FRMD6: variants seen among roughly 807,000 people sequenced by gnomAD.
FRMD6 encodes FERM domain-containing protein 6.
A neutral mutation model predicts 73.2 loss-of-function variants in FRMD6; 37 were observed. The ratio of observed to expected loss-of-function variants is 0.51; its 90% CI spans 0.39 to 0.66. The LOEUF (loss-of-function observed/expected upper bound fraction) is 0.66, where lower values mean the gene tolerates loss of function less well. Among genes scored for constraint, FRMD6 ranks in the 30% least tolerant of loss-of-function variants. The pLI, the probability that FRMD6 is intolerant of heterozygous loss-of-function variation, is 0.00. For synonymous variants in FRMD6, 273 were observed against 282.2 expected, an observed-to-expected ratio of 0.97 and a Z score of 0.33; for missense variants, 714 against 780.5, an observed-to-expected ratio of 0.91 and a Z score of 1.02.
At chr14:51,678,817 A>G (rs570064376) in intron 1 of FRMD6, among the ~76,000 whole-genome samples, 1 of 25,786 alleles carries the variant, frequency 3.9e-5, no homozygotes, top group South Asian at 9.9e-4. Context: ...ATATTTTGTG[A>G]TTTCATTATG....
In FRMD6 at chr14:51,720,106, T is replaced by A. The variant is rs1285545487; in HGVS notation, c.1076T>A (p.Met359Lys). 6.2e-6 allele frequency: 10 copies of A among 1,613,726 alleles called. No homozygotes were observed. The highest frequency in any genetic ancestry group is 2.5e-6 in the Non-Finnish European group (3 of 1,179,996). ...SYISDNLDLD[M>K]DQLEKRSRAS... ...ATCAGTGACAACCTGGACCTCGACATGGACCAGCTGGAAAAACGGTCGCGG... is the reference window on the plus strand; with the variant it reads ...ATCAGTGACAACCTGGACCTCGACAAGGACCAGCTGGAAAAACGGTCGCGG... Residue 359 changes from methionine (M) to lysine (K), a missense_variant, in exon 11 of 14, where the codon ATG becomes AAG. Met to Lys is a moderately conservative substitution (Grantham distance 95, BLOSUM62 -1). Transcript: ENST00000344768.
At chr14:51,596,496 C>G (rs944231779) in intron 2 of FRMD6, among the ~76,000 whole-genome samples, 1 of 152,136 alleles carries the variant, frequency 6.6e-6, no homozygotes. Context: ...CTGATTGTTT[C>G]TCTGATACTT....
chr14:51,500,951 G>T (rs1457365386), intron 1 of FRMD6, among the ~76,000 whole-genome samples: 1 of 152,096 alleles, frequency 6.6e-6, no homozygotes, highest in African/African-American at 2.4e-5. Flanking sequence ...GATACTGCAG[G>T]GATTTTGCCA....
chr14:51,649,680 A>G (rs1892245370), upstream of FRMD6: 1 of 152,252 alleles, frequency 6.6e-6, no homozygotes, highest in African/African-American at 2.4e-5. Flanking sequence ...AAAAAGTGCA[A>G]TCCTCTACCT....
intron 2 of FRMD6, among the ~76,000 whole-genome samples, chr14:51,697,057 T>C (rs941475176): frequency 6.6e-6 from 1 of 152,180 alleles, no homozygotes; most frequent in African/African-American, 2.4e-5. Context: ...CCTTGTACAC[T>C]GTTGCTGGGA....
chr14:51,564,028 G>A (rs1045463979), intron 1 of FRMD6, among the ~76,000 whole-genome samples: 1 of 152,048 alleles, frequency 6.6e-6, no homozygotes, highest in Non-Finnish European at 1.5e-5. Context: ...TTCTTTCTGG[G>A]TATGCAGCTA....
chr14:51,633,621 A>AAGAG (rs143710280), intron 2 of FRMD6, among the ~76,000 whole-genome samples: 1 of 99,368 alleles, frequency 1.0e-5, no homozygotes, highest in African/African-American at 4.0e-5. Flanking sequence ...AAAAAAAAAA[A>AAGAG]GAAATAATTA....
intron 2 of FRMD6, among the ~76,000 whole-genome samples, chr14:51,582,112 T>C (rs1888759735): frequency 6.6e-6 from 1 of 152,244 alleles, no homozygotes; most frequent in Non-Finnish European, 1.5e-5. Context: ...GACTACGTCA[T>C]ACATACTGAC....
At chr14:51,548,141 C>T (rs546542183) in intron 1 of FRMD6, among the ~76,000 whole-genome samples, 12 of 152,166 alleles carry the variant, frequency 7.9e-5, no homozygotes, top group South Asian at 4.1e-4. Flanking sequence ...AAGGGATCTG[C>T]GTTATTTGTG....
the FRMD6 span, among the ~76,000 whole-genome samples, chr14:51,403,590 C>G: frequency 6.6e-6 from 1 of 151,932 alleles, no homozygotes; most frequent in African/African-American, 2.4e-5. Flanking sequence ...TTTGTAGAGA[C>G]GAGATCTTGC....
intron 1 of FRMD6, among the ~76,000 whole-genome samples, chr14:51,687,555 G>C (rs1036282468): frequency 1.3e-5 from 2 of 151,944 alleles, no homozygotes; most frequent in East Asian, 3.9e-4. Context: ...ATATGCCTTG[G>C]GGGAAAAAAG....
rs577855460 is a variant in FRMD6 at position 51,727,815 on chromosome 14, A to G, written c.1655A>G (p.Gln552Arg). The part of the protein sequence containing the change: ...SLSLDDIRLY[Q>R]KDFLRIAGLC... ...AGCCTCGATGACATCAGACTTTACC[A>G]GAAAGACTTCCTGCGCATTGCAGGT... is the stretch of plus-strand genomic sequence containing the variant. Residue 552 changes from glutamine to arginine, a missense_variant, in exon 14 of 14, where the codon CAG becomes CGG. By Grantham distance (43) the Gln-to-Arg change is conservative (BLOSUM62 1). Transcript: ENST00000344768. The G allele has an allele frequency of 5.0e-5, 81 of 1,614,096 alleles. No homozygotes were observed. In the South Asian group the frequency reaches 8.5e-4, roughly 17 times the overall value.
At chr14:51,542,825 T>A (rs1340974057) in intron 1 of FRMD6, among the ~76,000 whole-genome samples, 1 of 152,052 alleles carries the variant, frequency 6.6e-6, no homozygotes, top group Non-Finnish European at 1.5e-5. Flanking sequence ...GAGTGTGAAG[T>A]CGTATATGAC....
chr14:51,456,363 C>T, the FRMD6 span, among the ~76,000 whole-genome samples: 2 of 152,068 alleles, frequency 1.3e-5, no homozygotes, highest in Admixed American at 1.3e-4. Context: ...CATGTGTTCT[C>T]GTTGTTCAAC....
intron 1 of FRMD6, among the ~76,000 whole-genome samples, chr14:51,666,989 A>G (rs1893646219): frequency 6.6e-6 from 1 of 152,006 alleles, no homozygotes; most frequent in Non-Finnish European, 1.5e-5. Context: ...ACAAAAGTTA[A>G]TTGGGTGTGG....
the FRMD6 span, among the ~76,000 whole-genome samples, chr14:51,453,627 T>A: frequency 6.6e-6 from 1 of 152,176 alleles, no homozygotes; most frequent in African/African-American, 2.4e-5. Context: ...CTCTTTAGAA[T>A]TGAAGGACCT....
Position 51,720,049 on chromosome 14 carries a change from A to G in FRMD6, c.1025-6A>G. 1 of 1,604,822 alleles carries G rather than the reference A, an allele frequency of 6.2e-7. No individual in the cohort carries two copies. On this transcript the variant is annotated splice_polypyrimidine_tract_variant and splice_region_variant and intron_variant, in intron 10 of 13. Transcript: ENST00000344768. Reference sequence around the variant, plus strand: ...TGGTTAATGAACTGTGTTCCCCACCACGTAGAGAAGAAGCAGTACCGGGAA... The same window carrying G: ...TGGTTAATGAACTGTGTTCCCCACCGCGTAGAGAAGAAGCAGTACCGGGAA...
intron 2 of FRMD6, among the ~76,000 whole-genome samples, chr14:51,591,939 ATTGT>A (rs1246879376): frequency 6.6e-6 from 1 of 152,198 alleles, no homozygotes; most frequent in Non-Finnish European, 1.5e-5. Flanking sequence ...TTCTCCACTG[ATTGT>A]TAAGATCACT....
At chr14:51,420,037 G>A in the FRMD6 span, among the ~76,000 whole-genome samples, 272 of 151,978 alleles carry the variant, frequency 1.8e-3, 1 homozygote, top group Middle Eastern at 6.8e-3. Context: ...CGCTTTTTAG[G>A]TGCGACTGAG....
Sources: allele counts gnomAD v4.1 joint callset (sites outside exome capture counted in the v4.1 genomes callset), GRCh38; gene constraint gnomAD v4.1.1; transcripts MANE v1.5; gene names NCBI Gene and HGNC (gene_info 2026-07-23, HGNC 2026-07-21).